The following MARCHF1 variants were observed in gnomAD, a reference collection of about 807,000 sequenced individuals.
MARCHF1 encodes membrane associated ring-CH-type finger 1, also known as E3 ubiquitin-protein ligase MARCHF1.
In MARCHF1, 40 loss-of-function variants were observed where a neutral mutation model predicts 54.2. The observed-to-expected ratio is 0.74, with a 90% CI of 0.57 to 0.96. MARCHF1 has a LOEUF of 0.96. MARCHF1 is among the 40% of genes least tolerant of loss of function. The probability of loss-of-function intolerance (pLI) is 0.00; values close to 1 mark genes in which losing one functional copy is unlikely to be tolerated. For missense variants in MARCHF1, 586 were observed against 656.5 expected (o/e 0.89, Z 1.17); for synonymous variants, 236 against 236.3 (o/e 1.00, Z 0.01).
chr4:163,725,348 T>C (rs1201819527), intron 4 of MARCHF1, among the ~76,000 whole-genome samples: 1 of 151,914 alleles, frequency 6.6e-6, no homozygotes, highest in Non-Finnish European at 1.5e-5. Flanking sequence ...TATGGTGGCA[T>C]GCACCTGTAA....
At chr4:163,955,862 A>G (rs936201270) in intron 3 of MARCHF1, among the ~76,000 whole-genome samples, 1 of 152,144 alleles carries the variant, frequency 6.6e-6, no homozygotes, top group Non-Finnish European at 1.5e-5. Flanking sequence ...AATAATATAT[A>G]TTAGAAACTA....
intron 4 of MARCHF1, among the ~76,000 whole-genome samples, chr4:163,830,937 G>C (rs1339712908): frequency 6.6e-6 from 1 of 152,202 alleles, no homozygotes; most frequent in East Asian, 1.9e-4. Context: ...CAACACTGAA[G>C]CATGTTATCC....
intron 2 of MARCHF1, among the ~76,000 whole-genome samples, chr4:164,053,491 A>G (rs960998155): frequency 6.6e-6 from 1 of 152,190 alleles, no homozygotes; most frequent in Non-Finnish European, 1.5e-5. Flanking sequence ...CAACATTTGC[A>G]TATGATTGAG....
At chr4:163,892,666 T>C (rs971388938) in intron 3 of MARCHF1, among the ~76,000 whole-genome samples, 1 of 151,952 alleles carries the variant, frequency 6.6e-6, no homozygotes, top group Non-Finnish European at 1.5e-5. Flanking sequence ...GGTGGTTTTA[T>C]TTTTAAAGAG....
At chr4:163,579,397 T>A (rs1192576008) in intron 8 of MARCHF1, among the ~76,000 whole-genome samples, 1 of 152,242 alleles carries the variant, frequency 6.6e-6, no homozygotes, top group African/African-American at 2.4e-5. Context: ...ATATTTTTCT[T>A]TTAATAATTT....
intron 3 of MARCHF1, among the ~76,000 whole-genome samples, chr4:163,957,632 ACTT>A (rs1752256376): frequency 6.6e-6 from 1 of 151,994 alleles, no homozygotes; most frequent in Non-Finnish European, 1.5e-5. Context: ...TTATTCTGAA[ACTT>A]AACTCTTTTC....
At chr4:164,320,864 G>A (rs59805250) in intron 1 of MARCHF1, among the ~76,000 whole-genome samples, 2,582 of 152,236 alleles carry the variant, frequency 0.017, 68 homozygotes, top group African/African-American at 0.059. Flanking sequence ...CCTCTGCTCC[G>A]CTGTTCCCAG....
rs972778286 is a variant in MARCHF1 at position 163,612,829 on chromosome 4, C to G, written c.452G>C (p.Arg151Thr). 9.1e-6 allele frequency: 14 copies of G among 1,535,100 alleles called. No individual in the cohort carries two copies. The African/African-American group carries it at 1.1e-4, about 12-fold the overall frequency. Reference protein sequence around the residue: ...NDFHLQISSPRWRELYTDSSD... With the variant: ...NDFHLQISSPTWRELYTDSSD... ...AGAATCTGTGTAAAGCTCCCTCCAC[C>G]TGGGGCTTGAGATTTGAAGGTGAAA... The change falls in exon 7 of 10, where the codon AGG (arginine) becomes ACG (threonine). Residue 151 changes from arginine to threonine, a missense_variant. Physicochemically the swap from Arg to Thr is moderately conservative, Grantham distance 71. Coordinates refer to ENST00000514618, the MANE Select transcript of MARCHF1 (RefSeq NM_001394959.1).
intron 1 of MARCHF1, among the ~76,000 whole-genome samples, chr4:164,351,619 C>T (rs1472133032): frequency 1.3e-5 from 2 of 152,104 alleles, no homozygotes; most frequent in African/African-American, 4.8e-5. Context: ...TGTACATCAC[C>T]ATCATCAAGA....
At chr4:163,715,782 T>G (rs922883199) in intron 4 of MARCHF1, among the ~76,000 whole-genome samples, 8 of 152,202 alleles carry the variant, frequency 5.3e-5, no homozygotes, top group African/African-American at 1.9e-4. Flanking sequence ...GAAAATACTC[T>G]GCTCCAATCT....
intron 1 of MARCHF1, among the ~76,000 whole-genome samples, chr4:164,227,627 A>G (rs1732294698): frequency 6.6e-6 from 1 of 152,134 alleles, no homozygotes; most frequent in Non-Finnish European, 1.5e-5. Flanking sequence ...AAAAATTTTA[A>G]AAAATAGTGT....
At chr4:163,958,477 T>C (rs1313141267) in intron 3 of MARCHF1, among the ~76,000 whole-genome samples, 3 of 151,772 alleles carry the variant, frequency 2.0e-5, no homozygotes, top group African/African-American at 7.3e-5. Flanking sequence ...AAATGAATAC[T>C]TTTTTTGTTA....
At chr4:164,176,128 G>A (rs1047056621) in intron 1 of MARCHF1, among the ~76,000 whole-genome samples, 2 of 152,192 alleles carry the variant, frequency 1.3e-5, no homozygotes, top group East Asian at 1.9e-4. Context: ...ATATCAAAAG[G>A]TATTATTAGT....
chr4:163,605,766 T>C (rs1741120832), intron 7 of MARCHF1, among the ~76,000 whole-genome samples: 1 of 152,134 alleles, frequency 6.6e-6, no homozygotes. Context: ...GGGACATGGA[T>C]GAAGCTGGAA....
chr4:164,315,843 G>C (rs895975174), intron 1 of MARCHF1, among the ~76,000 whole-genome samples: 6 of 152,114 alleles, frequency 3.9e-5, no homozygotes, highest in African/African-American at 1.4e-4. Flanking sequence ...GATATCAAAA[G>C]AATTGGCTAA....
At chr4:164,150,447 T>C (rs1729902750) in intron 1 of MARCHF1, among the ~76,000 whole-genome samples, 1 of 152,164 alleles carries the variant, frequency 6.6e-6, no homozygotes, top group Admixed American at 6.6e-5. Flanking sequence ...GCAACGTCAT[T>C]GGTTTCCTCT....
At chr4:163,581,962 A>G (rs1260839239) in intron 8 of MARCHF1, among the ~76,000 whole-genome samples, 3 of 152,230 alleles carry the variant, frequency 2.0e-5, no homozygotes, top group African/African-American at 7.2e-5. Context: ...ACATTTGTCA[A>G]ATAGTTTCTA....
At chr4:163,765,812 A>G in intron 4 of MARCHF1, among the ~76,000 whole-genome samples, 1 of 136,732 alleles carries the variant, frequency 7.3e-6, no homozygotes. Context: ...AAAGTGATAT[A>G]CCGGATTATA....
At chr4:163,562,569 T>G (rs1158428505) in intron 8 of MARCHF1, among the ~76,000 whole-genome samples, 1 of 152,066 alleles carries the variant, frequency 6.6e-6, no homozygotes, top group Non-Finnish European at 1.5e-5. Flanking sequence ...GGCCTTCACC[T>G]TCACCCCCAG....
Sources: allele counts gnomAD v4.1 joint callset (sites outside exome capture counted in the v4.1 genomes callset), GRCh38; gene constraint gnomAD v4.1.1; transcripts MANE v1.5; gene names NCBI Gene and HGNC (gene_info 2026-07-23, HGNC 2026-07-21).